STX11: variants seen among roughly 807,000 people sequenced by gnomAD.
STX11 encodes the protein syntaxin-11.
Under a neutral mutation model 19.9 loss-of-function variants are expected in STX11, and 21 were observed. That is an observed-to-expected ratio of 1.06 (90% CI 0.75 to 1.52). The LOEUF (loss-of-function observed/expected upper bound fraction) is 1.52, where lower values mean the gene tolerates loss of function less well. Among genes scored for constraint, STX11 ranks in the 40% most tolerant of loss-of-function variants. The pLI is 0.00. For missense variants in STX11, 438 were observed against 405.9 expected (o/e 1.08, Z -0.68); for synonymous variants, 193 against 174.4 (o/e 1.11, Z -0.84).
At chr6:144,158,343 T>G (rs2128748259) in intron 1 of STX11, among the ~76,000 whole-genome samples, 1 of 152,340 alleles carries the variant, frequency 6.6e-6, no homozygotes, top group East Asian at 1.9e-4. Flanking sequence ...TGCTGGCTTC[T>G]GACCAAGATT....
rs1584030390 is a variant in STX11, at chr6:144,165,658, A to G, written c.-6+14955A>G. On this transcript the variant is annotated intron_variant, in intron 1 of 1. Coordinates refer to ENST00000367568, the MANE Select transcript of STX11 (RefSeq NM_003764.4). This position sits in a 1 kb window ranked among gnomAD's most constrained non-coding sequence, Gnocchi z 5.8. ...TAGAATCATTCTTTGGTTTTATAGA[A>G]TCATTTTAGATCGTATCATCTGCAC... Among the ~76,000 whole-genome samples the G allele has an allele frequency of 6.6e-6, 1 of 152,326 alleles. No individual in the cohort carries two copies. The highest frequency in any genetic ancestry group is 1.9e-4 in the East Asian group (1 of 5,192).
chr6:144,149,797 T>C (rs73778533), upstream of STX11, among the ~76,000 whole-genome samples: 1 of 152,128 alleles, frequency 6.6e-6, no homozygotes, highest in Non-Finnish European at 1.5e-5. This position sits in a 1 kb window ranked among gnomAD's most constrained non-coding sequence, Gnocchi z 5.1. Context: ...TTTTTGAGTA[T>C]CACTTCCTTA....
At chr6:144,186,101 CAT>C (rs1164912943) in intron 1 of STX11, among the ~76,000 whole-genome samples, 1 of 120,340 alleles carries the variant, frequency 8.3e-6, no homozygotes, top group South Asian at 2.5e-4. Context: ...GATTGGAAAA[CAT>C]AAAGCAATGA....
Position 144,170,886 on chromosome 6 carries a change from G to T in STX11, c.-5-15737G>T, listed in dbSNP as rs1450576014. On this transcript the variant is annotated intron_variant, in intron 1 of 1. Coordinates refer to ENST00000367568, the MANE Select transcript of STX11 (RefSeq NM_003764.4). This position sits in a 1 kb window ranked among gnomAD's most constrained non-coding sequence, Gnocchi z 4.7. ...AACATATACAAAGTGCTCACTCTCTGCCAGGTGCTAGTCTTAAGAGCTTTA... is the reference window on the plus strand; with the variant it reads ...AACATATACAAAGTGCTCACTCTCTTCCAGGTGCTAGTCTTAAGAGCTTTA... Among the ~76,000 whole-genome samples, 1 of 152,158 alleles carries T rather than the reference G, an allele frequency of 6.6e-6. No individual in the cohort carries two copies. Among genetic ancestry groups the T allele is most frequent in the Non-Finnish European group, 1.5e-5 (1 of 68,026 alleles).
chr6:144,181,711 C>G (rs1450499085), intron 1 of STX11, among the ~76,000 whole-genome samples: 1 of 151,320 alleles, frequency 6.6e-6, no homozygotes, highest in Non-Finnish European at 1.5e-5. Flanking sequence ...ATCAGAAACT[C>G]TAGGTGCCCA....
chr6:144,187,072 G>A lies in STX11; in HGVS notation c.445G>A (p.Ala149Thr). ...FQRAMHDYNQ[A>T]EMKQRDNCKI... is the part of the protein sequence containing the mutation. ...GCGCGCCATGCACGACTACAACCAG[G>A]CCGAGATGAAGCAGCGCGACAACTG... Residue 149 changes from alanine to threonine, a missense_variant, in exon 2 of 2, where the codon GCC becomes ACC. Physicochemically the swap from Ala to Thr is moderately conservative, Grantham distance 58. Transcript: ENST00000367568. This position sits in a 1 kb window ranked among gnomAD's most constrained non-coding sequence, Gnocchi z 5.6. 1.9e-6 allele frequency: 3 copies of A among 1,613,550 alleles called. No homozygotes were observed. The highest frequency in any genetic ancestry group is 2.5e-6 in the Non-Finnish European group (3 of 1,179,994).
At chr6:144,150,404 C>A (rs1451330216), upstream of STX11, 1 of 821,608 alleles carries the variant, frequency 1.2e-6, no homozygotes, top group Non-Finnish European at 1.5e-6. Context: ...GGGGCGGGAA[C>A]CCGCGCTCTG....
chr6:144,153,194 C>T lies in STX11; in HGVS notation c.-6+2491C>T, dbSNP rs1801050415. Among the ~76,000 whole-genome samples the T allele has an allele frequency of 6.6e-6, 1 of 152,096 alleles. No individual in the cohort carries two copies. Among genetic ancestry groups the T allele is most frequent in the Non-Finnish European group, 1.5e-5 (1 of 68,006 alleles). Reference sequence around the variant, plus strand: ...CAATGCTAAATTTCAGACAACTTTACCTTAATTTCCAAACTTTATTCCTCC... The same window carrying T: ...CAATGCTAAATTTCAGACAACTTTATCTTAATTTCCAAACTTTATTCCTCC... On this transcript the variant is annotated intron_variant, in intron 1 of 1. Coordinates refer to ENST00000367568, the MANE Select transcript of STX11 (RefSeq NM_003764.4). The surrounding 1 kb of genome is among the most constrained non-coding windows in gnomAD (Gnocchi z 5.0).
intron 1 of STX11, among the ~76,000 whole-genome samples, chr6:144,185,326 C>G (rs1026557822): frequency 6.6e-5 from 10 of 152,070 alleles, no homozygotes; most frequent in African/African-American, 2.4e-4. Context: ...GACCAAGAAC[C>G]CTGATAGATT....
chr6:144,179,130 G>A (rs1157696171), intron 1 of STX11, among the ~76,000 whole-genome samples: 1 of 152,088 alleles, frequency 6.6e-6, no homozygotes, highest in Non-Finnish European at 1.5e-5. Context: ...TGTGGATGGT[G>A]GCAGACAAAA....
At chr6:144,163,183 C>G (rs917219025) in intron 1 of STX11, among the ~76,000 whole-genome samples, 2 of 152,164 alleles carry the variant, frequency 1.3e-5, no homozygotes, top group Non-Finnish European at 1.5e-5. Flanking sequence ...GGGGAAGTTG[C>G]GTAAGTCAGT....
At chr6:144,147,226 TC>T (rs1322508477), upstream of STX11, among the ~76,000 whole-genome samples, 1 of 152,066 alleles carries the variant, frequency 6.6e-6, no homozygotes, top group Admixed American at 6.5e-5. The surrounding 1 kb of genome is among the most constrained non-coding windows in gnomAD (Gnocchi z 4.2). Context: ...CATTTCTTTG[TC>T]TTCATCTGAT....
At chr6:144,140,383 T>G in the STX11 span, among the ~76,000 whole-genome samples, 1 of 151,408 alleles carries the variant, frequency 6.6e-6, no homozygotes, top group African/African-American at 2.4e-5. Flanking sequence ...GCCTCCTGAA[T>G]AGCTGGGACT....
rs1007140429 is a variant in STX11, at chr6:144,160,041, C to T, written c.-6+9338C>T. Among the ~76,000 whole-genome samples the T allele has an allele frequency of 4.6e-5, 7 of 152,140 alleles. No individual in the cohort carries two copies. Among genetic ancestry groups the T allele is most frequent in the African/African-American group, 9.7e-5 (4 of 41,412 alleles). ...TATTATGATTTTTGAGAGACTCTGT[C>T]GCCCAGGCTGGAATGAAATGGCACA... is the stretch of plus-strand genomic sequence containing the variant. On this transcript the variant is annotated intron_variant, in intron 1 of 1. Transcript: ENST00000367568. This position sits in a 1 kb window ranked among gnomAD's most constrained non-coding sequence, Gnocchi z 4.3.
rs1801285514 is a variant in STX11 at position 144,159,735 on chromosome 6, T to A, written c.-6+9032T>A. On this transcript the variant is annotated intron_variant, in intron 1 of 1. Coordinates refer to ENST00000367568, the MANE Select transcript of STX11 (RefSeq NM_003764.4). This position sits in a 1 kb window ranked among gnomAD's most constrained non-coding sequence, Gnocchi z 4.3. ...TGTAAAGCTCTGAAAATCATGAACT[T>A]ACATCACAGCCTTTTAAAAATTAAT... 6.6e-6 allele frequency among the ~76,000 whole-genome samples: 1 copy of A among 152,208 alleles called. No homozygotes were observed. The highest frequency in any genetic ancestry group is 1.5e-5 in the Non-Finnish European group (1 of 68,034).
rs1801718944 is a variant in STX11, at chr6:144,174,294, A to G, written c.-5-12329A>G. On this transcript the variant is annotated intron_variant, in intron 1 of 1. Transcript: ENST00000367568. This position sits in a 1 kb window ranked among gnomAD's most constrained non-coding sequence, Gnocchi z 5.3. The stretch of plus-strand genomic sequence containing the variant: ...ATCTCAGTCTCATAGCCACCCTCAG[A>G]CTCAAGGAGTTGAGAAATAGTCTGT... Among the ~76,000 whole-genome samples, 1 of 152,178 alleles carries G rather than the reference A, an allele frequency of 6.6e-6. No individual in the cohort carries two copies. The highest frequency in any genetic ancestry group is 6.5e-5 in the Admixed American group (1 of 15,274).
chr6:144,166,497 T>C (rs559266621), intron 1 of STX11, among the ~76,000 whole-genome samples: 1 of 151,832 alleles, frequency 6.6e-6, no homozygotes, highest in South Asian at 2.1e-4. Flanking sequence ...TCAGTCTTCC[T>C]TTCTTTCTGT....
Position 144,187,609 on chromosome 6 carries a change from C to A in STX11, c.*118C>A. ...GCCCCAACCCTTTCCGGAACTCAGT[C>A]TTTAGAAAAGAAACGCCAGGTTCAA... On this transcript the variant is annotated 3_prime_UTR_variant, in exon 2 of 2. Coordinates refer to ENST00000367568, the MANE Select transcript of STX11 (RefSeq NM_003764.4). This position sits in a 1 kb window ranked among gnomAD's most constrained non-coding sequence, Gnocchi z 5.6. The A allele has an allele frequency of 3.7e-6, 5 of 1,337,872 alleles. No individual in the cohort carries two copies. The highest frequency in any genetic ancestry group is 5.2e-6 in the Non-Finnish European group (5 of 967,104). 82.9% of individuals were successfully genotyped at this position (1,337,872 alleles called of 1,614,324 possible).
chr6:144,166,477 C>A (rs1801479600), intron 1 of STX11, among the ~76,000 whole-genome samples: 1 of 151,242 alleles, frequency 6.6e-6, no homozygotes, highest in Admixed American at 6.6e-5. Context: ...TTTTCTTTTG[C>A]AAGTTTCCCT....
Sources: allele counts gnomAD v4.1 joint callset (sites outside exome capture counted in the v4.1 genomes callset), GRCh38; gene constraint gnomAD v4.1.1; non-coding constraint Gnocchi (gnomAD v3.1); transcripts MANE v1.5; gene names NCBI Gene and HGNC (gene_info 2026-07-23, HGNC 2026-07-21).